The following MPZ variants were observed in gnomAD, a reference collection of about 807,000 sequenced individuals.
MPZ encodes the protein myelin protein P0.
In MPZ, 13 loss-of-function variants were observed where a neutral mutation model predicts 27.9. The observed-to-expected ratio is 0.47, with a 90% CI of 0.30 to 0.74. MPZ has a LOEUF of 0.74. Among genes scored for constraint, MPZ ranks in the 30% least tolerant of loss-of-function variants. The pLI is 0.06. For missense variants in MPZ, 256 were observed against 317.5 expected (o/e 0.81, Z 1.47); for synonymous variants, 118 against 128.9 (o/e 0.92, Z 0.57).
In MPZ at chr1:161,304,965, TTCTC is replaced by T. The variant is rs149030537; in HGVS notation, c.*907_*910del. The stretch of plus-strand genomic sequence containing the variant: ...CCACTCCCTGACCTATGAGGATCCA[TTCTC>T]TCTCTCTGTCTCTCTCCTCAAGACC... On this transcript the variant is annotated 3_prime_UTR_variant, in exon 6 of 6. Coordinates refer to ENST00000533357, the MANE Select transcript of MPZ (RefSeq NM_000530.8). The T allele has an allele frequency of 6.7e-6, 1 of 149,820 alleles. No individual in the cohort carries two copies. Among genetic ancestry groups the T allele is most frequent in the Admixed American group, 6.8e-5 (1 of 14,778 alleles). The allele number at this position is 149,820 out of a possible 1,614,324, so 9.3% of individuals were successfully genotyped here.
At chr1:161,309,552 A>ATATATTTTTT in intron 1 of MPZ, among the ~76,000 whole-genome samples, 3 of 80,666 alleles carry the variant, frequency 3.7e-5, no homozygotes, top group African/African-American at 1.7e-4. Flanking sequence ...ATATATATAT[A>ATATATTTTTT]TTTTTTTTTT....
Position 161,307,308 on chromosome 1 carries a change from T to C in MPZ, c.184A>G (p.Ile62Val), listed in dbSNP as rs121913602. 1 of 1,614,234 alleles carries C rather than the reference T, an allele frequency of 6.2e-7. No homozygotes were observed. The highest frequency in any genetic ancestry group is 8.5e-7 in the Non-Finnish European group (1 of 1,180,038). Residue 62 changes from isoleucine to valine, a missense_variant, in exon 2 of 6, where the codon ATC (isoleucine) becomes GTC (valine). Transcript: ENST00000533357. ...FWSSEWVSDD[I>V]SFTWRYQPEG... ...GGCTGGTAGCGCCAGGTGAAGGAGA[T>C]GTCATCTGAGACCCACTCACTGGAC...
chr1:161,307,057 G>T, intron 2 of MPZ, 136 bp from the exon 3 acceptor site: 1 of 981,126 alleles, frequency 1.0e-6, no homozygotes, highest in Non-Finnish European at 1.5e-6. Flanking sequence ...CCAGCCTCAG[G>T]GTAAGGGATC....
Position 161,305,771 on chromosome 1 carries a change from CGGGCTCT to C in MPZ, c.*98_*104del. Reference sequence around the variant, plus strand: ...GGGACTTGACAGCAGGCCGGAGCTCCGGGCTCTGCTCATCCTTTCGTAGCTCCATCTC... The same window carrying C: ...GGGACTTGACAGCAGGCCGGAGCTCCGCTCATCCTTTCGTAGCTCCATCTC... On this transcript the variant is annotated 3_prime_UTR_variant, in exon 6 of 6. Coordinates refer to ENST00000533357, the MANE Select transcript of MPZ (RefSeq NM_000530.8). The C allele has an allele frequency of 3.6e-6, 3 of 832,470 alleles. No individual in the cohort carries two copies. Among genetic ancestry groups the C allele is most frequent in the Non-Finnish European group, 5.7e-6 (3 of 525,166 alleles). The allele number at this position is 832,470 out of a possible 1,614,324, so 51.6% of individuals were successfully genotyped here. A position where few individuals can be genotyped will look rare whatever the true frequency, so the allele number is the denominator to read the frequency against.
intron 2 of MPZ, 115 bp from the exon 3 acceptor site, chr1:161,307,036 A>AAAAAAAT: frequency 1.0e-6 from 1 of 960,280 alleles, no homozygotes; most frequent in East Asian, 2.7e-5. Flanking sequence ...AAAAAAAAAA[A>AAAAAAAT]AAGCTTCGCT....
chr1:161,307,167 G>T, intron 2 of MPZ, 91 bp downstream of exon 2: 1 of 1,535,362 alleles, frequency 6.5e-7, no homozygotes, highest in South Asian at 1.2e-5. Context: ...GGCTCAAAAA[G>T]GATTTCCCCC....
chr1:161,309,552 A>ATATTTTTTTTTTTTTTTTTTT, intron 1 of MPZ, among the ~76,000 whole-genome samples: 13 of 80,640 alleles, frequency 1.6e-4, no homozygotes, highest in African/African-American at 4.0e-4. Flanking sequence ...ATATATATAT[A>ATATTTTTTTTTTTTTTTTTTT]TTTTTTTTTT....
At chr1:161,303,995 TG>T (rs1343488311), downstream of MPZ, among the ~76,000 whole-genome samples, 2 of 152,212 alleles carry the variant, frequency 1.3e-5, no homozygotes, top group Admixed American at 1.3e-4. Context: ...TGGGTTTTTT[TG>T]TGCCATCAGT....
chr1:161,308,107 T>C (rs1251615488), intron 1 of MPZ, among the ~76,000 whole-genome samples: 1 of 152,212 alleles, frequency 6.6e-6, no homozygotes, highest in Middle Eastern at 3.2e-3. Context: ...TTTTAACAGC[T>C]GCATTGGATT....
chr1:161,306,260 C>G (rs1231130687), intron 4 of MPZ, 69 bp downstream of exon 4: 1 of 1,612,812 alleles, frequency 6.2e-7, no homozygotes, highest in East Asian at 2.2e-5. Context: ...CTCCCACCCA[C>G]TGGAGTAGTC....
Position 161,309,552 on chromosome 1 carries a change from A to ATATATTTTTTTT in MPZ, c.67+286_67+287insAAAAAAAATATA. Among the ~76,000 whole-genome samples the ATATATTTTTTTT allele has an allele frequency of 9.4e-4, 76 of 80,622 alleles. 2 individuals carry two copies. The highest frequency in any genetic ancestry group is 3.1e-3 in the African/African-American group (53 of 17,326). 52.9% of individuals were successfully genotyped at this position (80,622 alleles called of 152,430 possible). On this transcript the variant is annotated intron_variant, in intron 1 of 5. Coordinates refer to ENST00000533357, the MANE Select transcript of MPZ (RefSeq NM_000530.8). ...TTTCTTTTCATATATATATATATAT[A>ATATATTTTTTTT]TTTTTTTTTTTTTTGAATTTTACAG...
downstream of MPZ, among the ~76,000 whole-genome samples, chr1:161,304,436 A>C (rs115123152): frequency 2.9e-3 from 438 of 152,352 alleles, 1 homozygote; most frequent in African/African-American, 0.01. Flanking sequence ...GGGATCACAC[A>C]GCTAGAGAGT....
chr1:161,308,405 C>T (rs1328170787), intron 1 of MPZ, among the ~76,000 whole-genome samples: 2 of 152,178 alleles, frequency 1.3e-5, no homozygotes, highest in African/African-American at 2.4e-5. Context: ...CAAGACTTAC[C>T]CACACAAGGA....
Position 161,306,379 on chromosome 1 carries a change from C to T in MPZ, c.534G>A (p.Val178=). ...GCCTGCGTAGCCAGCAGTACCGAAC[C>T]ACGTAGAAAAGCAGCAGCAGCAACA... is the stretch of plus-strand genomic sequence containing the variant. ...VVLLLLLLFY[V]VRYCWLRRQA... is the part of the protein sequence containing the mutation. Residue 178 remains valine (V), a synonymous_variant, in exon 4 of 6, where the codon GTG becomes GTA. Coordinates refer to ENST00000533357, the MANE Select transcript of MPZ (RefSeq NM_000530.8). The T allele has an allele frequency of 6.2e-7, 1 of 1,614,204 alleles. No individual in the cohort carries two copies. Among genetic ancestry groups the T allele is most frequent in the East Asian group, 2.2e-5 (1 of 44,862 alleles).
At chr1:161,304,242 C>T (rs906939178), downstream of MPZ, among the ~76,000 whole-genome samples, 1 of 152,146 alleles carries the variant, frequency 6.6e-6, no homozygotes, top group Non-Finnish European at 1.5e-5. Flanking sequence ...TAGGCAAGCA[C>T]TAGAAACAAA....
chr1:161,306,459 T>C lies in MPZ; in HGVS notation c.454A>G (p.Thr152Ala), dbSNP rs764402416. The change falls in exon 4 of 6, where the codon ACT becomes GCT. Residue 152 changes from threonine (T) to alanine (A), a missense_variant. By Grantham distance (58) the Thr-to-Ala change is moderately conservative (BLOSUM62 0). Around this residue, in one of 2 missense-constraint regions of MPZ, gnomAD observed 155 missense variants for 223.9 expected, o/e 0.69. Transcript: ENST00000533357. Reference protein sequence around the residue: ...VTLYVFEKVPTRYGVVLGAVI... With the variant: ...VTLYVFEKVPARYGVVLGAVI... ...GCTCCCAGAACGACCCCGTACCTAGTTGGCACTAGGAGGGGTGGGAAAAGA... is the reference window on the plus strand; with the variant it reads ...GCTCCCAGAACGACCCCGTACCTAGCTGGCACTAGGAGGGGTGGGAAAAGA... 72 of 1,614,052 alleles carry C rather than the reference T, an allele frequency of 4.5e-5. No homozygotes were observed. Among genetic ancestry groups the C allele is most frequent in the Admixed American group, 6.7e-5 (4 of 60,004 alleles).
At position 161,305,623 on chromosome 1, in the gene MPZ, C is replaced by T; in HGVS notation, c.*253G>A. ...GGAGCAAAGAGGGAAAGCACCTAGA[C>T]GGGGGTAAGAGGAGCCTAGGTCCCC... On this transcript the variant is annotated 3_prime_UTR_variant, in exon 6 of 6. Coordinates refer to ENST00000533357, the MANE Select transcript of MPZ (RefSeq NM_000530.8). The T allele has an allele frequency of 2.0e-6, 1 of 507,664 alleles. No individual in the cohort carries two copies. The allele number at this position is 507,664 out of a possible 1,614,324, so 31.4% of individuals were successfully genotyped here.
Position 161,306,027 on chromosome 1 carries a change from T to TTCCCA in MPZ, c.646-55_646-51dup, listed in dbSNP as rs748497673. On this transcript the variant is annotated intron_variant, in intron 5 of 5. Transcript: ENST00000533357. The stretch of plus-strand genomic sequence containing the variant: ...TCACCGAGCGACTGGGGCTTGACTG[T>TTCCCA]TCCCATCCCACCCCTCACTGCTGCC... The TTCCCA allele has an allele frequency of 4.4e-6, 7 of 1,607,366 alleles. No homozygotes were observed. In the South Asian group the frequency reaches 7.7e-5, roughly 18 times the overall value.
In MPZ at chr1:161,305,876, C is replaced by T. The variant is rs924360835; in HGVS notation, c.747G>A (p.Ter249=). The T allele has an allele frequency of 6.2e-7, 1 of 1,612,496 alleles. No individual in the cohort carries two copies. The highest frequency in any genetic ancestry group is 8.5e-7 in the Non-Finnish European group (1 of 1,178,846). The part of the protein sequence containing the change: ...GLGESRKDKK[*] The stretch of plus-strand genomic sequence containing the variant: ...GATCCCCCGCCCGGCCCGCTAACCG[C>T]TATTTCTTATCCTTGCGAGACTCCC... The change falls in exon 6 of 6, where the codon TAG becomes TAA. Residue 249 remains the stop codon, a stop_retained_variant. Coordinates refer to ENST00000533357, the MANE Select transcript of MPZ (RefSeq NM_000530.8).
Sources: allele counts gnomAD v4.1 joint callset (sites outside exome capture counted in the v4.1 genomes callset), GRCh38; gene constraint gnomAD v4.1.1; regional missense constraint gnomAD v4.1.1; transcripts MANE v1.5; gene names NCBI Gene and HGNC (gene_info 2026-07-23, HGNC 2026-07-21).